The following BCKDHB variants were observed in gnomAD, a reference collection of about 807,000 sequenced individuals.
BCKDHB encodes the protein branched chain keto acid dehydrogenase E1 subunit beta, also known as 2-oxoisovalerate dehydrogenase subunit beta, mitochondrial.
Under a neutral mutation model 48.5 loss-of-function variants are expected in BCKDHB, and 41 were observed. The observed-to-expected ratio is 0.85, with a 90% confidence interval of 0.66 to 1.10. The LOEUF is 1.10. Among genes scored for constraint, BCKDHB ranks in the 50% least tolerant of loss-of-function variants. The pLI is 0.00. For missense variants in BCKDHB, 496 were observed against 494.2 expected (o/e 1.00, Z -0.03); for synonymous variants, 201 against 174.8 (o/e 1.15, Z -1.18).
the BCKDHB span, among the ~76,000 whole-genome samples, chr6:80,460,550 C>T: frequency 0.017 from 2,591 of 152,142 alleles, 88 homozygotes; most frequent in African/African-American, 0.058. Context: ...CAAAAATAGC[C>T]CAAGCCCTTT....
At chr6:80,454,976 T>A in the BCKDHB span, among the ~76,000 whole-genome samples, 1 of 152,216 alleles carries the variant, frequency 6.6e-6, no homozygotes, top group African/African-American at 2.4e-5. Flanking sequence ...CCTCATGTTG[T>A]CTATGAATCC....
intron 9 of BCKDHB, among the ~76,000 whole-genome samples, chr6:80,333,870 C>T (rs188053103): frequency 6.6e-6 from 1 of 152,094 alleles, no homozygotes; most frequent in East Asian, 1.9e-4. Flanking sequence ...TATCCAGAAC[C>T]AGATTCCAGT....
the BCKDHB span, among the ~76,000 whole-genome samples, chr6:80,368,207 C>T: frequency 6.6e-6 from 1 of 152,212 alleles, no homozygotes; most frequent in African/African-American, 2.4e-5. Flanking sequence ...CTGCTGAATA[C>T]ATCTCAACAC....
chr6:80,250,390 A>G (rs549674712), intron 8 of BCKDHB, among the ~76,000 whole-genome samples: 1 of 152,298 alleles, frequency 6.6e-6, no homozygotes, highest in East Asian at 1.9e-4. Flanking sequence ...GAAGAAGAAA[A>G]AGATGAATTC....
intron 1 of BCKDHB, among the ~76,000 whole-genome samples, chr6:80,107,505 ATATGTG>A (rs1332070900): frequency 8.0e-6 from 1 of 124,410 alleles, no homozygotes; most frequent in East Asian, 2.3e-4. Flanking sequence ...ATATGCATAT[ATATGTG>A]CGCATATATA....
the BCKDHB span, among the ~76,000 whole-genome samples, chr6:80,370,825 T>C: frequency 2.7e-5 from 4 of 148,230 alleles, no homozygotes; most frequent in Non-Finnish European, 4.4e-5. Context: ...TATATGTGTG[T>C]GTGTGTGTGT....
At chr6:80,135,995 G>A (rs988583899) in intron 3 of BCKDHB, 4 of 152,084 alleles carry the variant, frequency 2.6e-5, no homozygotes, top group African/African-American at 9.7e-5. Context: ...ATGTGTCAAA[G>A]TTTCCTCCCT....
chr6:80,130,889 C>T (rs1218217109), intron 3 of BCKDHB, among the ~76,000 whole-genome samples: 2 of 152,158 alleles, frequency 1.3e-5, no homozygotes, highest in Non-Finnish European at 2.9e-5. Flanking sequence ...TGCTGTGGAG[C>T]AGTGTCTAGA....
In BCKDHB at chr6:80,287,439, G is replaced by A. The variant is rs183285222; in HGVS notation, c.1038+14218G>A. ...GTCTGAGAACTTTAAAAAAGATCAA[G>A]AATATAAATGCTATTCCTTGGTTCA... On this transcript the variant is annotated intron_variant, in intron 9 of 9. Coordinates refer to ENST00000320393, the MANE Select transcript of BCKDHB (RefSeq NM_183050.4). Among the ~76,000 whole-genome samples the A allele has an allele frequency of 3.6e-4, 53 of 148,738 alleles. 1 individual carries two copies. The East Asian group carries it at 0.01, about 28-fold the overall frequency.
At chr6:80,325,188 A>G (rs2128004873) in intron 9 of BCKDHB, among the ~76,000 whole-genome samples, 1 of 152,312 alleles carries the variant, frequency 6.6e-6, no homozygotes, top group East Asian at 1.9e-4. Flanking sequence ...ACTAGATCAA[A>G]CATGGTTTAT....
At chr6:80,146,966 G>A (rs1461074604) in intron 3 of BCKDHB, among the ~76,000 whole-genome samples, 1 of 152,062 alleles carries the variant, frequency 6.6e-6, no homozygotes, top group Non-Finnish European at 1.5e-5. Context: ...AATAAATACT[G>A]GGGGACAATT....
At chr6:80,413,420 A>G in the BCKDHB span, among the ~76,000 whole-genome samples, 2 of 152,124 alleles carry the variant, frequency 1.3e-5, no homozygotes, top group African/African-American at 4.8e-5. Flanking sequence ...AGAACCCATT[A>G]GTTATTTTTC....
At chr6:80,393,998 A>AT in the BCKDHB span, among the ~76,000 whole-genome samples, 1 of 152,088 alleles carries the variant, frequency 6.6e-6, no homozygotes, top group Non-Finnish European at 1.5e-5. Context: ...AGCTTACAAT[A>AT]TTTTTCTTTT....
the BCKDHB span, among the ~76,000 whole-genome samples, chr6:80,352,002 G>C: frequency 1.3e-5 from 2 of 151,894 alleles, no homozygotes; most frequent in Admixed American, 6.6e-5. Flanking sequence ...TGTATTTTTA[G>C]TAGAGACGGG....
chr6:80,358,093 A>G, the BCKDHB span, among the ~76,000 whole-genome samples: 1 of 151,740 alleles, frequency 6.6e-6, no homozygotes, highest in Non-Finnish European at 1.5e-5. Flanking sequence ...TCTTCTCACA[A>G]TTGTATATGT....
intron 9 of BCKDHB, among the ~76,000 whole-genome samples, chr6:80,322,896 C>CTTTT (rs34177726): frequency 8.7e-6 from 1 of 115,566 alleles, no homozygotes; most frequent in Non-Finnish European, 1.8e-5. Flanking sequence ...TTTCTTTTTT[C>CTTTT]TTTTTTTTTT....
At chr6:80,428,934 G>T in the BCKDHB span, among the ~76,000 whole-genome samples, 1 of 152,150 alleles carries the variant, frequency 6.6e-6, no homozygotes, top group South Asian at 2.1e-4. Flanking sequence ...TTTTAGACAT[G>T]AAGTCTTTGC....
the BCKDHB span, among the ~76,000 whole-genome samples, chr6:80,455,445 T>C: frequency 6.6e-6 from 1 of 151,736 alleles, no homozygotes; most frequent in African/African-American, 2.4e-5. Context: ...ACTTGAAAAC[T>C]ACTACTGTTC....
At chr6:80,174,963 A>G (rs972155755) in intron 6 of BCKDHB, among the ~76,000 whole-genome samples, 8 of 152,254 alleles carry the variant, frequency 5.3e-5, no homozygotes, top group African/African-American at 1.9e-4. Context: ...ATGTAATTCC[A>G]TAAAGTTAGA....
Sources: gnomAD v4.1 joint callset for allele counts (sites outside exome capture counted in the v4.1 genomes callset) on GRCh38, gnomAD v4.1.1 for gene constraint, MANE v1.5 for transcripts, NCBI Gene and HGNC (gene_info 2026-07-23, HGNC 2026-07-21) for gene names.